COL23A1: variants seen among roughly 807,000 people sequenced by gnomAD.
COL23A1 encodes the protein collagen alpha-1(XXIII) chain.
In COL23A1, 97 loss-of-function variants were observed where a neutral mutation model predicts 99.3. The ratio of observed to expected loss-of-function variants is 0.98; its 90% CI spans 0.83 to 1.16. The LOEUF (loss-of-function observed/expected upper bound fraction) is 1.16. Ranked by LOEUF, COL23A1 falls within the 50% of genes most tolerant of loss-of-function variation. The pLI, the probability that COL23A1 is intolerant of heterozygous loss-of-function variation, is 0.00. For missense variants in COL23A1, 762 were observed against 757.4 expected, an observed-to-expected ratio of 1.01 and a Z score of -0.07; for synonymous variants, 320 against 308.2, an observed-to-expected ratio of 1.04 and a Z score of -0.40.
intron 1 of COL23A1, among the ~76,000 whole-genome samples, chr5:178,582,206 C>CAAA (rs11315118): frequency 0.062 from 1,954 of 31,594 alleles, 146 homozygotes; most frequent in Admixed American, 0.11. Flanking sequence ...GACTCTATCT[C>CAAA]AAAAAAAAAA....
At chr5:178,386,453 G>A (rs1310367939) in intron 2 of COL23A1, among the ~76,000 whole-genome samples, 2 of 150,050 alleles carry the variant, frequency 1.3e-5, no homozygotes, top group Non-Finnish European at 3.0e-5. Flanking sequence ...AAAAAAAAAC[G>A]CAATACACTA....
intron 2 of COL23A1, among the ~76,000 whole-genome samples, chr5:178,422,511 C>T (rs1030287791): frequency 2.0e-5 from 3 of 152,136 alleles, no homozygotes; most frequent in African/African-American, 4.8e-5. Context: ...GACAAGCAAG[C>T]GTGCCCAAAG....
chr5:178,490,540 T>G (rs568479660), intron 2 of COL23A1, among the ~76,000 whole-genome samples: 2 of 152,076 alleles, frequency 1.3e-5, no homozygotes, highest in African/African-American at 4.8e-5. Context: ...TGCACAATAC[T>G]GTGACTGTAC....
intron 2 of COL23A1, among the ~76,000 whole-genome samples, chr5:178,337,923 C>T (rs112923475): frequency 2.4e-4 from 36 of 151,950 alleles, no homozygotes; most frequent in African/African-American, 8.5e-4. Context: ...ATTATAATCC[C>T]TGACATTTAT....
intron 1 of COL23A1, chr5:178,561,753 C>A: frequency 5.6e-6 from 1 of 177,620 alleles, no homozygotes; most frequent in South Asian, 1.3e-4. Context: ...TGCAGCGCCA[C>A]CATGAGAACC....
intron 2 of COL23A1, among the ~76,000 whole-genome samples, chr5:178,347,966 T>C (rs1761082116): frequency 6.6e-6 from 1 of 150,548 alleles, no homozygotes; most frequent in Admixed American, 6.6e-5. Flanking sequence ...GTGACTACCA[T>C]ATAGGCTAGC....
chr5:178,360,325 T>C (rs1737221689), intron 2 of COL23A1, among the ~76,000 whole-genome samples: 1 of 152,174 alleles, frequency 6.6e-6, no homozygotes, highest in Non-Finnish European at 1.5e-5. Context: ...TCAAGGAAAG[T>C]ACGTTTCTTT....
rs1034746421 is a variant in COL23A1, at chr5:178,265,625, C to T, written c.522+1682G>A. On this transcript the variant is annotated intron_variant, in intron 8 of 28. Coordinates refer to ENST00000390654, the MANE Select transcript of COL23A1 (RefSeq NM_173465.4). ...AGTTGGGGGTAACACAGCAAGCCATCAGGTCCAGACCCCCACTCAGCCAGT... is the reference window on the plus strand; with the variant it reads ...AGTTGGGGGTAACACAGCAAGCCATTAGGTCCAGACCCCCACTCAGCCAGT... 6.2e-6 allele frequency: 6 copies of T among 969,098 alleles called. No individual in the cohort carries two copies. The African/African-American group carries it at 7.0e-5, about 11-fold the overall frequency. 60.0% of individuals were successfully genotyped at this position (969,098 alleles called of 1,614,324 possible). A position where few individuals can be genotyped will look rare whatever the true frequency, so the allele number is the denominator to read the frequency against.
intron 2 of COL23A1, among the ~76,000 whole-genome samples, chr5:178,368,240 C>A (rs1296801593): frequency 6.6e-6 from 1 of 152,158 alleles, no homozygotes; most frequent in Non-Finnish European, 1.5e-5. Flanking sequence ...GGGAGGAATA[C>A]CATGGGCTGG....
chr5:178,433,163 T>G (rs1766355597), intron 2 of COL23A1, among the ~76,000 whole-genome samples: 1 of 151,384 alleles, frequency 6.6e-6, no homozygotes, highest in East Asian at 1.9e-4. Flanking sequence ...TAAGGCCCAG[T>G]CCCCCAAGAC....
intron 2 of COL23A1, among the ~76,000 whole-genome samples, chr5:178,358,570 AATGTGTATGTGT>A (rs1237462719): frequency 8.1e-6 from 1 of 123,570 alleles, no homozygotes; most frequent in Non-Finnish European, 1.7e-5. Flanking sequence ...GTGTATGTCT[AATGTGTATGTGT>A]ATGTGTGTGT....
chr5:178,360,252 C>T (rs889608438), intron 2 of COL23A1, among the ~76,000 whole-genome samples: 3 of 152,226 alleles, frequency 2.0e-5, no homozygotes, highest in South Asian at 2.1e-4. Context: ...TTCTCAGTTG[C>T]GAAAACCTAG....
At chr5:178,364,418 A>G (rs1160679339) in intron 2 of COL23A1, among the ~76,000 whole-genome samples, 2 of 151,968 alleles carry the variant, frequency 1.3e-5, no homozygotes, top group Non-Finnish European at 2.9e-5. Context: ...GCAGGCCCAC[A>G]GGAGGGTGAG....
In COL23A1 at chr5:178,268,718, G is replaced by A; in HGVS notation, c.495+12C>T. On this transcript the variant is annotated intron_variant, in intron 7 of 28. Coordinates refer to ENST00000390654, the MANE Select transcript of COL23A1 (RefSeq NM_173465.4). ...TGCCTACCACATCTGCACAGCCTCT[G>A]GCATCACTTACCTTTTCCCCTTTCG... is the stretch of plus-strand genomic sequence containing the variant. The A allele has an allele frequency of 6.2e-7, 1 of 1,603,060 alleles. No homozygotes were observed.
At chr5:178,545,171 G>A in intron 2 of COL23A1, among the ~76,000 whole-genome samples, 1 of 151,992 alleles carries the variant, frequency 6.6e-6, no homozygotes, top group Non-Finnish European at 1.5e-5. Context: ...GGGTGTTCTA[G>A]TTCCTGATGG....
chr5:178,339,772 T>C (rs1324583674), intron 2 of COL23A1, among the ~76,000 whole-genome samples: 2 of 152,164 alleles, frequency 1.3e-5, no homozygotes, highest in Admixed American at 6.5e-5. Context: ...TGATGAAGAC[T>C]TTCTTGAACT....
intron 2 of COL23A1, among the ~76,000 whole-genome samples, chr5:178,531,677 T>C (rs115441058): frequency 0.019 from 2,856 of 152,364 alleles, 55 homozygotes; most frequent in Middle Eastern, 0.065. Context: ...GTTCCTACTG[T>C]GGTCTTTCCA....
intron 2 of COL23A1, among the ~76,000 whole-genome samples, chr5:178,328,245 C>T (rs560303628): frequency 1.3e-5 from 2 of 152,296 alleles, no homozygotes; most frequent in African/African-American, 4.8e-5. Context: ...TGTTCCTCAT[C>T]CCCCCTGTCC....
At chr5:178,430,566 G>A (rs72808857) in intron 2 of COL23A1, among the ~76,000 whole-genome samples, 19,709 of 152,198 alleles carry the variant, frequency 0.13, 1,800 homozygotes, top group African/African-American at 0.25. Context: ...CACGTGTGAC[G>A]TGCGCAGCAG....
Sources: gnomAD v4.1 joint callset for allele counts (sites outside exome capture counted in the v4.1 genomes callset) on GRCh38, gnomAD v4.1.1 for gene constraint, MANE v1.5 for transcripts, NCBI Gene and HGNC (gene_info 2026-07-23, HGNC 2026-07-21) for gene names.